Variants in GSE1 observed in about 807,000 individuals in gnomAD.
GSE1 encodes the protein genetic suppressor element 1.
GSE1 carries 32 observed loss-of-function variants against 112.6 expected under a neutral mutation model. That is an observed-to-expected ratio of 0.28 (90% CI 0.21 to 0.38). The LOEUF is 0.38. Among genes scored for constraint, GSE1 ranks in the 10% least tolerant of loss-of-function variants. The probability of loss-of-function intolerance (pLI) is 1.00; values close to 1 mark genes in which losing one functional copy is unlikely to be tolerated. For synonymous variants in GSE1, 1,115 were observed against 735.6 expected (o/e 1.52, Z -8.35); for missense variants, 2,348 against 1,699.2 (o/e 1.38, Z -6.71).
chr16:85,433,860 A>G (rs2049180229), intron 2 of GSE1, among the ~76,000 whole-genome samples: 1 of 151,730 alleles, frequency 6.6e-6, no homozygotes, highest in African/African-American at 2.4e-5. Flanking sequence ...GTACAGATGG[A>G]TGGAAGTGGT....
chr16:85,655,050 A>T (rs2051800436), intron 5 of GSE1, 59 bp downstream of exon 5: 1 of 1,098,610 alleles, frequency 9.1e-7, no homozygotes, highest in Middle Eastern at 2.0e-4. Context: ...GGCAAGATGG[A>T]ACCTGGCGGG....
At position 85,187,207 on chromosome 16, in the gene GSE1, T is replaced by C. The variant is rs1241062608; in HGVS notation, c.2283+15400T>C. Among the ~76,000 whole-genome samples the C allele has an allele frequency of 5.9e-5, 9 of 152,226 alleles. No homozygotes were observed. The East Asian group carries it at 1.7e-3, about 29-fold the overall frequency. ...GGAGCTTGGGGCCTAGGAGGCATGA[T>C]GGGATCCCTTGTGACTGTGGCTGCA... On this transcript the variant is annotated intron_variant, in intron 1 of 2. Coordinates refer to the GSE1 transcript ENST00000637419.
intron 2 of GSE1, among the ~76,000 whole-genome samples, chr16:85,543,127 G>A (rs1269749797): frequency 1.3e-5 from 2 of 150,852 alleles, no homozygotes; most frequent in African/African-American, 4.9e-5. Flanking sequence ...CAGGAGAATT[G>A]CTTGATCCCA....
rs1345965409 is a variant in GSE1, at chr16:85,603,803, A to G, written c.38-44749A>G. 2.6e-5 allele frequency among the ~76,000 whole-genome samples: 4 copies of G among 152,224 alleles called. No homozygotes were observed. The South Asian group carries it at 6.2e-4, about 24-fold the overall frequency. On this transcript the variant is annotated intron_variant, in intron 1 of 2. Transcript: ENST00000635906. ...ATTACAGGTGTGAGCCACTGGGCCC[A>G]GCCCAGATTGGATTGTTTTTAATTG...
chr16:85,251,506 G>A (rs886908658), intron 1 of GSE1, among the ~76,000 whole-genome samples: 4 of 152,232 alleles, frequency 2.6e-5, no homozygotes, highest in African/African-American at 4.8e-5. Flanking sequence ...GCGGGGGTGC[G>A]GCCAGGCCGG....
chr16:85,665,686 G>C (rs1016482222), intron 12 of GSE1, among the ~76,000 whole-genome samples: 1 of 152,188 alleles, frequency 6.6e-6, no homozygotes, highest in Non-Finnish European at 1.5e-5. Flanking sequence ...TCTCTTGTCC[G>C]GTTGGACTGA....
At chr16:85,561,585 A>T (rs2045523479) in intron 1 of GSE1, among the ~76,000 whole-genome samples, 1 of 152,196 alleles carries the variant, frequency 6.6e-6, no homozygotes, top group African/African-American at 2.4e-5. Context: ...GAGGAAACTG[A>T]GGCCCAGAGA....
chr16:85,281,350 G>A (rs2044853314), intron 1 of GSE1, among the ~76,000 whole-genome samples: 1 of 151,774 alleles, frequency 6.6e-6, no homozygotes, highest in Non-Finnish European at 1.5e-5. Flanking sequence ...TCCAAACCCC[G>A]GCCACCAGCA....
rs552684979 is a variant in GSE1, at chr16:85,209,788, A to G, written c.2283+37981A>G. 1.2e-3 allele frequency among the ~76,000 whole-genome samples: 188 copies of G among 152,294 alleles called. 5 individuals are homozygous for G. The South Asian group carries it at 0.036, about 29-fold the overall frequency. On this transcript the variant is annotated intron_variant, in intron 1 of 2. Transcript: ENST00000637419. ...CCTGCCCTGGTGATCCAGGCAGCTG[A>G]GGCTGAGGGGGCCGCTGGGAGAGGG...
intron 1 of GSE1, among the ~76,000 whole-genome samples, chr16:85,613,602 G>A: frequency 6.6e-6 from 1 of 151,914 alleles, no homozygotes; most frequent in Non-Finnish European, 1.5e-5. Flanking sequence ...CGCAGCCTGG[G>A]AGGCCTGGCT....
At chr16:85,557,574 T>G (rs1367211928) in intron 1 of GSE1, among the ~76,000 whole-genome samples, 1 of 151,664 alleles carries the variant, frequency 6.6e-6, no homozygotes, top group Non-Finnish European at 1.5e-5. Context: ...TTCGGGTTTT[T>G]TTTTTTCCTC....
At chr16:85,355,904 G>A (rs993008291) in intron 1 of GSE1, among the ~76,000 whole-genome samples, 1 of 152,236 alleles carries the variant, frequency 6.6e-6, no homozygotes, top group Admixed American at 6.5e-5. Context: ...GCGGGCACCT[G>A]TAATCCCAGC....
chr16:85,380,802 G>C (rs1419741470), intron 2 of GSE1, among the ~76,000 whole-genome samples: 1 of 152,192 alleles, frequency 6.6e-6, no homozygotes, highest in African/African-American at 2.4e-5. Flanking sequence ...CCAGCTGAAG[G>C]GAGTGTCGCC....
intron 1 of GSE1, among the ~76,000 whole-genome samples, chr16:85,579,705 C>T (rs958536181): frequency 6.6e-6 from 1 of 152,194 alleles, no homozygotes; most frequent in Non-Finnish European, 1.5e-5. Flanking sequence ...ATCTCAGATC[C>T]CAGTCCCGGG....
upstream of GSE1, among the ~76,000 whole-genome samples, chr16:85,612,475 C>G (rs545444578): frequency 6.6e-6 from 1 of 152,154 alleles, no homozygotes. Context: ...GACCTCGCCT[C>G]TGACCGCAAC....
At chr16:85,611,481 T>G (rs944954619), upstream of GSE1, 44 of 985,230 alleles carry the variant, frequency 4.5e-5, no homozygotes, top group African/African-American at 7.5e-4. Flanking sequence ...TGGCGGGTCG[T>G]GCGGGGAAGC....
At chr16:85,249,568 T>G (rs1339421072) in intron 1 of GSE1, among the ~76,000 whole-genome samples, 1 of 152,168 alleles carries the variant, frequency 6.6e-6, no homozygotes, top group South Asian at 2.1e-4. Flanking sequence ...CCAAGACTTC[T>G]CACGGATTGT....
At chr16:85,536,804 G>T (rs960905493) in intron 2 of GSE1, among the ~76,000 whole-genome samples, 2 of 152,242 alleles carry the variant, frequency 1.3e-5, no homozygotes, top group Admixed American at 1.3e-4. Flanking sequence ...AGGTGTGGCT[G>T]ATTTTGCCAC....
chr16:85,205,129 ATTTATTT>A (rs997381473), intron 1 of GSE1, among the ~76,000 whole-genome samples: 2 of 151,702 alleles, frequency 1.3e-5, no homozygotes, highest in Non-Finnish European at 2.9e-5. Context: ...TTATTTATTT[ATTTATTT>A]TTTATTTTTT....
Sources: allele counts gnomAD v4.1 joint callset (sites outside exome capture counted in the v4.1 genomes callset), GRCh38; gene constraint gnomAD v4.1.1; transcripts MANE v1.5; gene names NCBI Gene and HGNC (gene_info 2026-07-23, HGNC 2026-07-21).